The following NAV2 variants were observed in gnomAD, a reference collection of about 807,000 sequenced individuals.
NAV2 encodes neuron navigator 2.
In NAV2, 54 loss-of-function variants were observed where a neutral mutation model predicts 223.2. The ratio of observed to expected loss-of-function variants is 0.24; its 90% CI spans 0.19 to 0.30. The LOEUF (loss-of-function observed/expected upper bound fraction) is 0.30. Among genes scored for constraint, NAV2 ranks in the 10% least tolerant of loss-of-function variants. The probability of loss-of-function intolerance (pLI) is 1.00; values close to 1 mark genes in which losing one functional copy is unlikely to be tolerated. For missense variants in NAV2, 2,806 were observed against 3,147.5 expected (o/e 0.89, Z 2.60); for synonymous variants, 1,279 against 1,239.3 (o/e 1.03, Z -0.67).
intron 1 of NAV2, among the ~76,000 whole-genome samples, chr11:19,768,204 G>A (rs2055390462): frequency 1.3e-5 from 2 of 152,232 alleles, no homozygotes; most frequent in Admixed American, 1.3e-4. Context: ...CAGAGGCAGG[G>A]AGGCAATCTC....
intron 18 of NAV2, 97 bp from the exon 19 acceptor site, chr11:20,055,672 A>G: frequency 9.1e-7 from 1 of 1,099,502 alleles, no homozygotes; most frequent in South Asian, 1.5e-5. Context: ...GCAGAAACAC[A>G]TGTGGCTAAA....
At chr11:20,111,696 G>C (rs1031905323) in intron 36 of NAV2, among the ~76,000 whole-genome samples, 1 of 152,242 alleles carries the variant, frequency 6.6e-6, no homozygotes, top group Non-Finnish European at 1.5e-5. Flanking sequence ...ACAGTGCAGA[G>C]TCAGTGTGGG....
intron 1 of NAV2, among the ~76,000 whole-genome samples, chr11:19,542,418 A>C (rs1451927973): frequency 6.6e-6 from 1 of 152,254 alleles, no homozygotes; most frequent in African/African-American, 2.4e-5. Flanking sequence ...CCAAGGCAGT[A>C]AATGATGGAG....
At chr11:19,753,351 AT>A (rs1022678301) in intron 1 of NAV2, among the ~76,000 whole-genome samples, 41 of 151,820 alleles carry the variant, frequency 2.7e-4, no homozygotes, top group Middle Eastern at 3.4e-3. Flanking sequence ...ATTTCCACAG[AT>A]TTTTTCTTAC....
exon 1 of NAV2, chr11:19,350,765 T>A (rs1853261695): frequency 1.6e-6 from 1 of 606,456 alleles, no homozygotes; most frequent in Non-Finnish European, 3.0e-6. Context: ...GCAAAGGCAG[T>A]GGTGCCGAGT....
intron 1 of NAV2, among the ~76,000 whole-genome samples, chr11:19,672,416 G>C (rs1347711067): frequency 6.6e-6 from 1 of 152,114 alleles, no homozygotes; most frequent in East Asian, 1.9e-4. Context: ...TTTTTCCTCA[G>C]CTTGGGTTCT....
rs2289564 is a variant in NAV2 at position 20,097,752 on chromosome 11, G to T, written c.6181+7G>T. 283,893 of 1,570,762 alleles carry T rather than the reference G, an allele frequency of 0.18. 28,611 individuals carry two copies. The highest frequency in any genetic ancestry group is 0.38 in the South Asian group (32,393 of 84,862). On this transcript the variant is annotated splice_region_variant and intron_variant, in intron 31 of 37. Coordinates refer to ENST00000349880, the MANE Select transcript of NAV2 (RefSeq NM_145117.5). ...ATCTCAGTGACTGTGAAAGGTAATTGAGCTTGTTGCAGAAGTCGGAGCTTT... is the reference window on the plus strand; with the variant it reads ...ATCTCAGTGACTGTGAAAGGTAATTTAGCTTGTTGCAGAAGTCGGAGCTTT...
intron 11 of NAV2, among the ~76,000 whole-genome samples, chr11:19,994,336 C>T (rs1473070468): frequency 1.3e-5 from 2 of 152,004 alleles, no homozygotes; most frequent in African/African-American, 4.8e-5. Context: ...CACCTAAGGT[C>T]AGGAGTTCGA....
intron 1 of NAV2, among the ~76,000 whole-genome samples, chr11:19,698,829 AGT>A (rs1253491850): frequency 6.6e-6 from 1 of 151,936 alleles, no homozygotes; most frequent in South Asian, 2.1e-4. Context: ...AGAGAGAGAG[AGT>A]GTGTGTGTAT....
chr11:19,980,629 G>T (rs1039796062), intron 10 of NAV2, among the ~76,000 whole-genome samples: 1 of 152,204 alleles, frequency 6.6e-6, no homozygotes, highest in Non-Finnish European at 1.5e-5. Flanking sequence ...AAACACACCC[G>T]TGGCTGCTTC....
chr11:19,690,064 G>A (rs980206389), intron 1 of NAV2, among the ~76,000 whole-genome samples: 4 of 152,026 alleles, frequency 2.6e-5, no homozygotes, highest in Non-Finnish European at 4.4e-5. Flanking sequence ...TCCGCCTCCC[G>A]GGTTTAAGTG....
At chr11:19,929,071 A>G (rs953626799) in intron 6 of NAV2, among the ~76,000 whole-genome samples, 1 of 152,074 alleles carries the variant, frequency 6.6e-6, no homozygotes, top group Non-Finnish European at 1.5e-5. Flanking sequence ...CTTGGGCAAC[A>G]TGGCGAAACT....
At chr11:19,950,442 G>A (rs529474870) in intron 10 of NAV2, among the ~76,000 whole-genome samples, 23 of 152,242 alleles carry the variant, frequency 1.5e-4, no homozygotes, top group Non-Finnish European at 2.9e-4. Context: ...AGCTATTAGG[G>A]ACAGAGCGTA....
rs185799234 is a variant in NAV2, at chr11:19,720,066, A to G, written c.267+6104A>G. ...CAGAAGGAAAGCCCTTTTTTCTCCC[A>G]GCAGGCATGGTTGTAATGAGAGCTG... On this transcript the variant is annotated intron_variant, in intron 1 of 37. Coordinates refer to ENST00000349880, the MANE Select transcript of NAV2 (RefSeq NM_145117.5). Among the ~76,000 whole-genome samples, 290 of 152,308 alleles carry G rather than the reference A, an allele frequency of 1.9e-3. 1 individual carries two copies. Among genetic ancestry groups the G allele is most frequent in the African/African-American group, 6.5e-3 (270 of 41,576 alleles).
intron 3 of NAV2, among the ~76,000 whole-genome samples, chr11:19,854,976 T>C (rs1051104111): frequency 3.9e-5 from 6 of 152,176 alleles, no homozygotes; most frequent in African/African-American, 1.4e-4. Flanking sequence ...TGGTTGTTAA[T>C]GCCCCATGTT....
intron 1 of NAV2, among the ~76,000 whole-genome samples, chr11:19,787,999 C>A (rs548228342): frequency 6.6e-6 from 1 of 152,176 alleles, no homozygotes; most frequent in African/African-American, 2.4e-5. Flanking sequence ...TTTCTCCATT[C>A]TAAGCAGTGT....
At chr11:19,989,457 T>A (rs547220987) in intron 11 of NAV2, among the ~76,000 whole-genome samples, 23 of 152,194 alleles carry the variant, frequency 1.5e-4, no homozygotes, top group Non-Finnish European at 2.2e-4. Flanking sequence ...ACCCATCATT[T>A]TAGCCCACGA....
chr11:19,513,041 G>A (rs925908400), intron 1 of NAV2, among the ~76,000 whole-genome samples: 50 of 152,136 alleles, frequency 3.3e-4, no homozygotes, highest in African/African-American at 1.0e-3. Context: ...GGGCAGGGGC[G>A]GTGTGGAGGG....
In NAV2 at chr11:19,521,092, G is replaced by A. The variant is rs566660537; in HGVS notation, c.75+170065G>A. Reference sequence around the variant, plus strand: ...TCCAACAGCCATTTGGCCATGAGGCGGGGCGTGGTGATGGGCCTTGGAACC... The same window carrying A: ...TCCAACAGCCATTTGGCCATGAGGCAGGGCGTGGTGATGGGCCTTGGAACC... On this transcript the variant is annotated intron_variant, in intron 1 of 37. Transcript: ENST00000360655. 1.3e-4 allele frequency among the ~76,000 whole-genome samples: 20 copies of A among 152,310 alleles called. No individual in the cohort carries two copies. In the South Asian group the frequency reaches 1.9e-3, roughly 14 times the overall value.
Sources: gnomAD v4.1 joint callset for allele counts (sites outside exome capture counted in the v4.1 genomes callset) on GRCh38, gnomAD v4.1.1 for gene constraint, MANE v1.5 for transcripts, NCBI Gene and HGNC (gene_info 2026-07-23, HGNC 2026-07-21) for gene names.